SHROOM3: variants seen among roughly 807,000 people sequenced by gnomAD.
SHROOM3 encodes the protein protein Shroom3.
A neutral mutation model predicts 138.6 loss-of-function variants in SHROOM3; 47 were observed. That is an observed-to-expected ratio of 0.34 (90% CI 0.27 to 0.43). SHROOM3 has a LOEUF of 0.43. Among genes scored for constraint, SHROOM3 ranks in the 20% least tolerant of loss-of-function variants. The probability of loss-of-function intolerance (pLI) is 1.00; values close to 1 mark genes in which losing one functional copy is unlikely to be tolerated. For synonymous variants in SHROOM3, 1,062 were observed against 1,063.3 expected (o/e 1.00, Z 0.02); for missense variants, 2,491 against 2,596.5 (o/e 0.96, Z 0.88).
At chr4:76,626,354 A>G (rs1735143978) in intron 2 of SHROOM3, among the ~76,000 whole-genome samples, 1 of 152,214 alleles carries the variant, frequency 6.6e-6, no homozygotes, top group South Asian at 2.1e-4. Context: ...AAATAAGACA[A>G]GTTGAGTTTC....
chr4:76,683,578 T>C (rs1459713756), intron 2 of SHROOM3, among the ~76,000 whole-genome samples: 1 of 152,064 alleles, frequency 6.6e-6, no homozygotes, highest in Non-Finnish European at 1.5e-5. Context: ...CTTTCTCCGT[T>C]AGCCTTGGAG....
At position 76,555,848 on chromosome 4, in the gene SHROOM3, C is replaced by T. The variant is rs551151039; in HGVS notation, c.323+85C>T. 3.8e-5 allele frequency: 56 copies of T among 1,489,484 alleles called. No individual in the cohort carries two copies. In the African/African-American group the frequency reaches 6.4e-4, roughly 17 times the overall value. 92.3% of individuals were successfully genotyped at this position (1,489,484 alleles called of 1,614,324 possible). ...CTACCCCACCTCTGGGAAAAGAGCT[C>T]GGGGTTGGTAGCTTGGCTTTAAACC... On this transcript the variant is annotated intron_variant, in intron 2 of 10. Transcript: ENST00000296043.
intron 2 of SHROOM3, among the ~76,000 whole-genome samples, chr4:76,693,370 G>GTTTTTTTTTT (rs10648549): frequency 0.039 from 3,103 of 79,538 alleles, 385 homozygotes; most frequent in African/African-American, 0.055. Context: ...TGATAAGTTT[G>GTTTTTTTTTT]TTTTTTTTTT....
chr4:76,717,989 C>A (rs1180188719), intron 3 of SHROOM3, among the ~76,000 whole-genome samples: 2 of 152,132 alleles, frequency 1.3e-5, no homozygotes, highest in African/African-American at 2.4e-5. Context: ...AATGTCAGCG[C>A]TTGCTTCTAT....
At chr4:76,576,597 A>C (rs1733945734) in intron 2 of SHROOM3, among the ~76,000 whole-genome samples, 1 of 152,188 alleles carries the variant, frequency 6.6e-6, no homozygotes, top group Non-Finnish European at 1.5e-5. Flanking sequence ...CAACAAGGTG[A>C]CTATAATCCA....
At chr4:76,481,180 C>T (rs1379398428) in intron 1 of SHROOM3, among the ~76,000 whole-genome samples, 1 of 152,038 alleles carries the variant, frequency 6.6e-6, no homozygotes, top group Non-Finnish European at 1.5e-5. Flanking sequence ...TTCAAAAAAT[C>T]AATTAATCCA....
chr4:76,764,186 G>A (rs1462313343), intron 9 of SHROOM3, among the ~76,000 whole-genome samples: 4 of 151,286 alleles, frequency 2.6e-5, no homozygotes, highest in South Asian at 2.1e-4. Flanking sequence ...GTAAATGTAA[G>A]TATCAGTTAA....
chr4:76,518,546 T>TCTTCCTTC (rs759245766), intron 1 of SHROOM3, among the ~76,000 whole-genome samples: 1 of 146,408 alleles, frequency 6.8e-6, no homozygotes, highest in Non-Finnish European at 1.5e-5. Flanking sequence ...CTTCCTACCT[T>TCTTCCTTC]CTTCCTTCCT....
At position 76,658,633 on chromosome 4, in the gene SHROOM3, C is replaced by T. The variant is rs546948088; in HGVS notation, c.324-51523C>T. Among the ~76,000 whole-genome samples, 4 of 152,132 alleles carry T rather than the reference C, an allele frequency of 2.6e-5. No individual in the cohort carries two copies. The South Asian group carries it at 8.3e-4, about 32-fold the overall frequency. On this transcript the variant is annotated intron_variant, in intron 2 of 10. Coordinates refer to ENST00000296043, the MANE Select transcript of SHROOM3 (RefSeq NM_020859.4). ...GTAAATGTTACATCAAGCATTCCTG[C>T]AGGATGCTACCCTTCCAAACCCCCT...
chr4:76,759,671 A>C lies in SHROOM3; in HGVS notation c.5325A>C (p.Glu1775Asp). Residue 1775 changes from glutamate to aspartate, a missense_variant, in exon 9 of 11, where the codon GAA becomes GAC. This residue lies in a region of SHROOM3 where 470 missense variants were observed against 595.0 expected (regional missense o/e 0.79). Transcript: ENST00000296043. The stretch of plus-strand genomic sequence containing the variant: ...CAGCAGAAGTGAATGAGGAAGAGGA[A>C]CAGGCAGATGTCAATGAAAAGAAGG... ...EMPAEVNEEE[E>D]QADVNEKKAE... 1.2e-6 allele frequency: 2 copies of C among 1,614,146 alleles called. No homozygotes were observed. The highest frequency in any genetic ancestry group is 1.3e-5 in the African/African-American group (1 of 75,060).
At chr4:76,507,901 A>C (rs1227772270) in intron 1 of SHROOM3, among the ~76,000 whole-genome samples, 2 of 152,126 alleles carry the variant, frequency 1.3e-5, no homozygotes, top group African/African-American at 4.8e-5. Flanking sequence ...CTCATTTTAA[A>C]AATTGAATTG....
At chr4:76,683,502 C>T (rs1361016953) in intron 2 of SHROOM3, among the ~76,000 whole-genome samples, 1 of 150,884 alleles carries the variant, frequency 6.6e-6, no homozygotes, top group African/African-American at 2.5e-5. Context: ...CCCATTCCTC[C>T]TCCATCTCTT....
At chr4:76,735,872 T>A (rs1381376628) in intron 4 of SHROOM3, among the ~76,000 whole-genome samples, 51 of 21,042 alleles carry the variant, frequency 2.4e-3, no homozygotes, top group South Asian at 7.4e-3. Flanking sequence ...AAAAAAAATA[T>A]ATATATATAT....
intron 2 of SHROOM3, among the ~76,000 whole-genome samples, chr4:76,674,463 G>A (rs1242626670): frequency 1.3e-5 from 2 of 151,628 alleles, no homozygotes; most frequent in African/African-American, 4.8e-5. Flanking sequence ...CTAATAGCAG[G>A]AAGCAGAATA....
At chr4:76,473,168 T>A (rs1311238333) in intron 1 of SHROOM3, among the ~76,000 whole-genome samples, 2 of 152,228 alleles carry the variant, frequency 1.3e-5, no homozygotes, top group African/African-American at 4.8e-5. Context: ...ATAGACAAAT[T>A]GGACTTTATT....
rs185461594 is a variant in SHROOM3, at chr4:76,629,259, G to C, written c.323+73496G>C. Among the ~76,000 whole-genome samples the C allele has an allele frequency of 2.6e-5, 4 of 152,314 alleles. No homozygotes were observed. The East Asian group carries it at 7.7e-4, about 29-fold the overall frequency. On this transcript the variant is annotated intron_variant, in intron 2 of 10. Coordinates refer to ENST00000296043, the MANE Select transcript of SHROOM3 (RefSeq NM_020859.4). ...TAGTAAAGGGAATTGTCTGTGCAAA[G>C]ACTCTAAGGCCAAGACCATGCCTGG...
intron 1 of SHROOM3, among the ~76,000 whole-genome samples, chr4:76,512,483 T>G (rs1732357983): frequency 6.6e-6 from 1 of 152,202 alleles, no homozygotes; most frequent in Admixed American, 6.5e-5. Context: ...TGGGCCATTT[T>G]CTCACCACAA....
At chr4:76,670,140 A>G (rs779360996) in intron 2 of SHROOM3, among the ~76,000 whole-genome samples, 3 of 152,216 alleles carry the variant, frequency 2.0e-5, no homozygotes, top group African/African-American at 4.8e-5. Flanking sequence ...CTTTTACACA[A>G]ATGTTCAAAG....
At chr4:76,474,316 C>T (rs1264827184) in intron 1 of SHROOM3, among the ~76,000 whole-genome samples, 1 of 152,008 alleles carries the variant, frequency 6.6e-6, no homozygotes, top group South Asian at 2.1e-4. Flanking sequence ...CTAGAGGGTA[C>T]AGGACTTAAT....
Sources: gnomAD v4.1 joint callset for allele counts (sites outside exome capture counted in the v4.1 genomes callset) on GRCh38, gnomAD v4.1.1 for gene constraint, gnomAD v4.1.1 regional missense constraint, MANE v1.5 for transcripts, NCBI Gene and HGNC (gene_info 2026-07-23, HGNC 2026-07-21) for gene names.